The following TUB variants were observed in gnomAD, a reference collection of about 807,000 sequenced individuals.
The protein encoded by TUB is tubby protein homolog.
A neutral mutation model predicts 59.7 loss-of-function variants in TUB; 33 were observed. The ratio of observed to expected loss-of-function variants is 0.55; its 90% CI spans 0.42 to 0.74. TUB has a LOEUF of 0.74. Among genes scored for constraint, TUB ranks in the 30% least tolerant of loss-of-function variants. TUB has a pLI of 0.00. For missense variants in TUB, 659 were observed against 672.0 expected (o/e 0.98, Z 0.21); for synonymous variants, 293 against 256.4 (o/e 1.14, Z -1.36).
chr11:8,047,841 A>G (rs1275492261), intron 2 of TUB, among the ~76,000 whole-genome samples: 1 of 152,198 alleles, frequency 6.6e-6, no homozygotes, highest in Non-Finnish European at 1.5e-5. Context: ...GCATCACAGG[A>G]CATTTTTCTT....
In TUB at chr11:8,096,769, C is replaced by G. The variant is rs778274498; in HGVS notation, c.650C>G (p.Thr217Ser). ...SSSSSQLNSN[T>S]RPSSATSRKS... Reference sequence around the variant, plus strand: ...AGCTCCTCCCAGCTAAATAGTAACACCCGCCCCAGCTCTGCTACTAGCAGG... The same window carrying G: ...AGCTCCTCCCAGCTAAATAGTAACAGCCGCCCCAGCTCTGCTACTAGCAGG... Residue 217 changes from threonine (T) to serine (S), a missense_variant, in exon 6 of 12, where the codon ACC (threonine) becomes AGC (serine). Physicochemically the swap from Thr to Ser is moderately conservative, Grantham distance 58 (BLOSUM62 1). Around this residue, in one of 3 missense-constraint regions of TUB, gnomAD observed 321 missense variants for 304.3 expected, o/e 1.05. Coordinates refer to ENST00000299506, the MANE Select transcript of TUB (RefSeq NM_177972.3). 1.2e-6 allele frequency: 2 copies of G among 1,614,040 alleles called. No homozygotes were observed. The highest frequency in any genetic ancestry group is 1.3e-5 in the African/African-American group (1 of 74,918).
intron 2 of TUB, among the ~76,000 whole-genome samples, chr11:8,059,373 C>A (rs761429003): frequency 6.6e-6 from 1 of 152,200 alleles, no homozygotes; most frequent in Non-Finnish European, 1.5e-5. Flanking sequence ...AATTGCCCAG[C>A]TGAGGCAGGA....
chr11:8,083,286 G>A (rs1282677032), intron 1 of TUB, among the ~76,000 whole-genome samples: 1 of 152,186 alleles, frequency 6.6e-6, no homozygotes, highest in Non-Finnish European at 1.5e-5. Context: ...CGAGGAGGGT[G>A]GGAGGGGCAG....
intron 1 of TUB, among the ~76,000 whole-genome samples, chr11:8,086,789 C>T (rs1045761478): frequency 6.6e-6 from 1 of 152,248 alleles, no homozygotes. Flanking sequence ...TTGCACATGC[C>T]CGCTGGTGGG....
chr11:8,080,458 G>C (rs990899240), upstream of TUB, among the ~76,000 whole-genome samples: 1 of 152,214 alleles, frequency 6.6e-6, no homozygotes, highest in African/African-American at 2.4e-5. Context: ...CTTTGTAGGG[G>C]TTTTTGCCTC....
At chr11:8,081,714 G>C (rs1308319369) in intron 1 of TUB, among the ~76,000 whole-genome samples, 166 bp downstream of exon 1, 1 of 152,160 alleles carries the variant, frequency 6.6e-6, no homozygotes, top group South Asian at 2.1e-4. Flanking sequence ...GAGGGCCCCT[G>C]CGGACTGCTC....
chr11:8,089,386 G>C lies in TUB; in HGVS notation c.39-224G>C, dbSNP rs115685524. ...TTACTGGGGAGTCCCTGGGGAAACAGGGGTCCTAGCAGGCTTCCAAAGTGG... is the reference window on the plus strand; with the variant it reads ...TTACTGGGGAGTCCCTGGGGAAACACGGGTCCTAGCAGGCTTCCAAAGTGG... On this transcript the variant is annotated intron_variant, in intron 1 of 11. Coordinates refer to ENST00000299506, the MANE Select transcript of TUB (RefSeq NM_177972.3). Among the ~76,000 whole-genome samples the C allele has an allele frequency of 7.6e-3, 1,158 of 152,278 alleles. 15 individuals are homozygous for C. The highest frequency in any genetic ancestry group is 0.025 in the African/African-American group (1,036 of 41,552).
chr11:8,095,261 A>G (rs563801201), intron 4 of TUB, among the ~76,000 whole-genome samples: 22 of 152,274 alleles, frequency 1.4e-4, no homozygotes, highest in African/African-American at 5.3e-4. Context: ...GGTGTTGTAA[A>G]CCAACCCTCG....
At chr11:8,032,889 A>G (rs892820077) in intron 1 of TUB, among the ~76,000 whole-genome samples, 2 of 152,208 alleles carry the variant, frequency 1.3e-5, no homozygotes, top group Non-Finnish European at 2.9e-5. Flanking sequence ...CCTAGGCTAC[A>G]GGAGCAAGGC....
upstream of TUB, among the ~76,000 whole-genome samples, chr11:8,078,902 C>T (rs371423276): frequency 2.0e-5 from 3 of 152,000 alleles, no homozygotes; most frequent in Non-Finnish European, 2.9e-5. Flanking sequence ...GGCGCTCAGT[C>T]CCACTGGCTC....
At chr11:8,030,856 G>A (rs1379558908) in intron 1 of TUB, among the ~76,000 whole-genome samples, 3 of 152,250 alleles carry the variant, frequency 2.0e-5, no homozygotes, top group Non-Finnish European at 2.9e-5. Context: ...TCCCAGCCTG[G>A]CTCTGCCTCC....
intron 2 of TUB, among the ~76,000 whole-genome samples, chr11:8,060,841 T>C (rs1180612710): frequency 1.3e-5 from 2 of 152,248 alleles, no homozygotes; most frequent in Non-Finnish European, 2.9e-5. Flanking sequence ...GTCTGAGGAA[T>C]GACACACACT....
chr11:8,078,546 C>T (rs922842582), upstream of TUB, among the ~76,000 whole-genome samples: 2 of 152,008 alleles, frequency 1.3e-5, no homozygotes, highest in African/African-American at 2.4e-5. Flanking sequence ...AAAATGTCAA[C>T]CACGGAAGTC....
chr11:8,101,642 G>T lies in TUB; in HGVS notation c.*23G>T. Reference sequence around the variant, plus strand: ...TAGAGGCCTCTTCGTGCCCTTTGGGGTTGCCCAGCCTGGAGCGGAGCTTGC... The same window carrying T: ...TAGAGGCCTCTTCGTGCCCTTTGGGTTTGCCCAGCCTGGAGCGGAGCTTGC... On this transcript the variant is annotated 3_prime_UTR_variant, in exon 12 of 12. Transcript: ENST00000299506. 1 of 1,613,178 alleles carries T rather than the reference G, an allele frequency of 6.2e-7. No individual in the cohort carries two copies.
chr11:8,047,248 T>C (rs1942849361), intron 2 of TUB, among the ~76,000 whole-genome samples: 1 of 152,188 alleles, frequency 6.6e-6, no homozygotes, highest in Non-Finnish European at 1.5e-5. Flanking sequence ...CTTCACCTGG[T>C]AGACTTCTCA....
At chr11:8,038,653 C>T (rs955552805) in exon 1 of TUB, 7 of 1,332,506 alleles carry the variant, frequency 5.3e-6, no homozygotes, top group African/African-American at 1.5e-5. Flanking sequence ...CAGTCTGGTC[C>T]TGAAGGGTTT....
chr11:8,066,225 G>A (rs548318057), intron 2 of TUB, among the ~76,000 whole-genome samples: 2 of 152,176 alleles, frequency 1.3e-5, no homozygotes, highest in Non-Finnish European at 2.9e-5. Flanking sequence ...CAACAGGTCT[G>A]CTCAGACGCT....
At chr11:8,072,779 G>A (rs182315724) in intron 2 of TUB, among the ~76,000 whole-genome samples, 1 of 152,216 alleles carries the variant, frequency 6.6e-6, no homozygotes, top group South Asian at 2.1e-4. Flanking sequence ...GCAGCAGAGA[G>A]GATAAGAATT....
chr11:8,034,593 A>G (rs1464236593), upstream of TUB, among the ~76,000 whole-genome samples: 1 of 152,192 alleles, frequency 6.6e-6, no homozygotes, highest in African/African-American at 2.4e-5. Flanking sequence ...TTTCCATTCA[A>G]AACAGTAATC....
Sources: allele counts gnomAD v4.1 joint callset (sites outside exome capture counted in the v4.1 genomes callset), GRCh38; gene constraint gnomAD v4.1.1; regional missense constraint gnomAD v4.1.1; transcripts MANE v1.5; gene names NCBI Gene and HGNC (gene_info 2026-07-23, HGNC 2026-07-21).